XDH: variants seen among roughly 807,000 people sequenced by gnomAD.
XDH encodes xanthine dehydrogenase/oxidase.
XDH carries 138 observed loss-of-function variants against 156.1 expected under a neutral mutation model. The ratio of observed to expected loss-of-function variants is 0.88; its 90% CI spans 0.77 to 1.02. The LOEUF (loss-of-function observed/expected upper bound fraction) is 1.02, where lower values mean the gene tolerates loss of function less well. Among genes scored for constraint, XDH ranks in the 50% least tolerant of loss-of-function variants. The pLI is 0.00. For synonymous variants in XDH, 669 were observed against 625.7 expected, an observed-to-expected ratio of 1.07 and a Z score of -1.03; for missense variants, 1,849 against 1,684.9, an observed-to-expected ratio of 1.10 and a Z score of -1.71.
chr2:31,373,624 A>C (rs1236039707), intron 16 of XDH, among the ~76,000 whole-genome samples: 1 of 152,162 alleles, frequency 6.6e-6, no homozygotes, highest in African/African-American at 2.4e-5. Context: ...TAAAAAAAAA[A>C]AATCTGTAAG....
At chr2:31,375,023 C>CTTTCTTTTTTT (rs765524563) in intron 15 of XDH, among the ~76,000 whole-genome samples, 1 of 92,350 alleles carries the variant, frequency 1.1e-5, no homozygotes, top group African/African-American at 5.0e-5. Flanking sequence ...TTCTTTCTTT[C>CTTTCTTTTTTT]TTTTTTTTTT....
chr2:31,364,016 G>T, intron 24 of XDH, 142 bp downstream of exon 24: 3 of 720,368 alleles, frequency 4.2e-6, no homozygotes, highest in South Asian at 1.5e-5. Context: ...ATTAATCGAG[G>T]ATGGGAAACC....
At chr2:31,371,818 G>A (rs777244733) in intron 17 of XDH, among the ~76,000 whole-genome samples, 1 of 152,166 alleles carries the variant, frequency 6.6e-6, no homozygotes. Context: ...CTGATTCCTA[G>A]TCCACACAGT....
At chr2:31,341,895 T>G (rs1685133624) in intron 32 of XDH, among the ~76,000 whole-genome samples, 1 of 152,184 alleles carries the variant, frequency 6.6e-6, no homozygotes. Context: ...CAAATTTCAG[T>G]GTCTATAAAT....
intron 6 of XDH, among the ~76,000 whole-genome samples, chr2:31,395,542 T>TACCC: frequency 1.3e-5 from 2 of 152,172 alleles, no homozygotes; most frequent in African/African-American, 4.8e-5. Flanking sequence ...TCTCCAACAT[T>TACCC]TACTGTGAGG....
intron 24 of XDH, among the ~76,000 whole-genome samples, chr2:31,362,609 T>A (rs1156510823): frequency 1.3e-5 from 2 of 152,230 alleles, no homozygotes; most frequent in African/African-American, 4.8e-5. Flanking sequence ...CCTAAAGTAA[T>A]TTACTAAAAT....
At chr2:31,381,806 C>T in intron 11 of XDH, 80 bp from the exon 12 acceptor site, 1 of 1,279,326 alleles carries the variant, frequency 7.8e-7, no homozygotes, top group Non-Finnish European at 1.1e-6. Flanking sequence ...AACATACCAG[C>T]CAGGTGACAC....
intron 4 of XDH, among the ~76,000 whole-genome samples, chr2:31,399,679 G>T (rs1272279647): frequency 6.6e-6 from 1 of 152,166 alleles, no homozygotes; most frequent in African/African-American, 2.4e-5. Flanking sequence ...AATCATGGGG[G>T]TGGTTCCCCC....
intron 24 of XDH, 115 bp downstream of exon 24, chr2:31,364,043 T>C (rs1572530180): frequency 2.2e-6 from 2 of 898,012 alleles, no homozygotes; most frequent in South Asian, 2.7e-5. Context: ...TGGGGACCCA[T>C]TAGGAGACTA....
intron 31 of XDH, among the ~76,000 whole-genome samples, chr2:31,343,306 A>ATATATGCATGTT (rs1553411631): frequency 9.3e-6 from 1 of 107,172 alleles, no homozygotes; most frequent in Non-Finnish European, 2.0e-5. Flanking sequence ...ATATATATAT[A>ATATATGCATGTT]TATATATATA....
chr2:31,379,285 C>A (rs1351363588), intron 13 of XDH, among the ~76,000 whole-genome samples: 3 of 152,178 alleles, frequency 2.0e-5, no homozygotes, highest in African/African-American at 7.2e-5. Flanking sequence ...CCATCCGCAC[C>A]AATCCACAGC....
chr2:31,387,820 T>A lies in XDH; in HGVS notation c.642A>T (p.Pro214=). 6.3e-7 allele frequency: 1 copy of A among 1,582,248 alleles called. No homozygotes were observed. The highest frequency in any genetic ancestry group is 1.3e-5 in the African/African-American group (1 of 74,678). The change falls in exon 8 of 36, where the codon CCA becomes CCT. Residue 214 remains proline (P), a synonymous_variant. Coordinates refer to ENST00000379416, the MANE Select transcript of XDH (RefSeq NM_000379.4). ...CTGAGGCATCACCTACCAGCAACTCTGGGGGAAAAATGGGCTCCTGGGTTG... is the reference window on the plus strand; with the variant it reads ...CTGAGGCATCACCTACCAGCAACTCAGGGGGAAAAATGGGCTCCTGGGTTG... ...LDPTQEPIFP[P]ELLRLKDTPR...
At position 31,335,348 on chromosome 2, in the gene XDH, ATAGAG is replaced by A. The variant is rs1684946943; in HGVS notation, c.*605_*609del. On this transcript the variant is annotated 3_prime_UTR_variant, in exon 36 of 36. Transcript: ENST00000379416. ...ATTGAGTTGGTTGGATTTTTGTATT[ATAGAG>A]TAATCTTGCTTTATGCAGCTTCACA... 3 of 158,768 alleles carry A rather than the reference ATAGAG, an allele frequency of 1.9e-5. No homozygotes were observed. The highest frequency in any genetic ancestry group is 5.9e-5 in the Admixed American group (1 of 16,980). The allele number at this position is 158,768 out of a possible 1,614,324, so 9.8% of individuals were successfully genotyped here.
Position 31,404,491 on chromosome 2 carries a change from G to A in XDH, c.101-1347C>T, listed in dbSNP as rs146759189. 5.7e-3 allele frequency among the ~76,000 whole-genome samples: 865 copies of A among 152,324 alleles called. 5 individuals carry two copies. The highest frequency in any genetic ancestry group is 9.7e-3 in the Admixed American group (149 of 15,306). Reference sequence around the variant, plus strand: ...TAAGCTGCAAGGTCATCCTACTTATGTGCCAACTTTCAGTTTTGCATTTCA... The same window carrying A: ...TAAGCTGCAAGGTCATCCTACTTATATGCCAACTTTCAGTTTTGCATTTCA... On this transcript the variant is annotated intron_variant, in intron 2 of 35. Coordinates refer to ENST00000379416, the MANE Select transcript of XDH (RefSeq NM_000379.4).
At chr2:31,386,997 AAGGAAGGAAGG>A in intron 8 of XDH, among the ~76,000 whole-genome samples, 1 of 8,636 alleles carries the variant, frequency 1.2e-4, no homozygotes, top group Admixed American at 1.9e-3. Context: ...GAAAGGAAGG[AAGGAAGGAAGG>A]AAGGAAGGAA....
intron 2 of XDH, among the ~76,000 whole-genome samples, chr2:31,405,347 G>A (rs1053139421): frequency 6.6e-6 from 1 of 152,132 alleles, no homozygotes; most frequent in Admixed American, 6.5e-5. Context: ...GGCTTTTCCA[G>A]AAGCCCCACC....
At chr2:31,379,747 A>G (rs1254654292) in intron 13 of XDH, 120 bp downstream of exon 13, 4 of 992,250 alleles carry the variant, frequency 4.0e-6, no homozygotes, top group Non-Finnish European at 6.4e-6. Context: ...GAGAAAAATC[A>G]TCAATGTAAA....
At chr2:31,367,053 C>T in intron 20 of XDH, 59 bp from the exon 21 acceptor site, 1 of 1,613,100 alleles carries the variant, frequency 6.2e-7, no homozygotes, top group East Asian at 2.2e-5. Flanking sequence ...GGCCAGCTTG[C>T]CTAAGGAGAG....
chr2:31,340,998 C>T (rs1392662575), intron 33 of XDH, among the ~76,000 whole-genome samples: 3 of 152,134 alleles, frequency 2.0e-5, no homozygotes, highest in Non-Finnish European at 2.9e-5. Flanking sequence ...GGCATTGATC[C>T]CAAACTCAAT....
Sources: gnomAD v4.1 joint callset for allele counts (sites outside exome capture counted in the v4.1 genomes callset) on GRCh38, gnomAD v4.1.1 for gene constraint, MANE v1.5 for transcripts, NCBI Gene and HGNC (gene_info 2026-07-23, HGNC 2026-07-21) for gene names.